RGL1: variants seen among roughly 807,000 people sequenced by gnomAD.
RGL1 encodes ral guanine nucleotide dissociation stimulator like 1, also known as ral guanine nucleotide dissociation stimulator-like 1.
In RGL1, 24 loss-of-function variants were observed where a neutral mutation model predicts 95.2. The observed-to-expected ratio is 0.25, with a 90% confidence interval of 0.18 to 0.35. RGL1 has a LOEUF of 0.35. Among genes scored for constraint, RGL1 ranks in the 10% least tolerant of loss-of-function variants. RGL1 has a pLI of 1.00. For synonymous variants in RGL1, 329 were observed against 344.9 expected (o/e 0.95, Z 0.51); for missense variants, 715 against 936.3 (o/e 0.76, Z 3.08).
At chr1:183,922,140 C>A in intron 16 of RGL1, 82 bp from the exon 17 acceptor site, 3 of 1,125,906 alleles carry the variant, frequency 2.7e-6, no homozygotes, top group South Asian at 1.3e-5. Flanking sequence ...CAACACAAGA[C>A]AGCAAGAATG....
intron 1 of RGL1, among the ~76,000 whole-genome samples, chr1:183,719,097 T>G (rs1001039605): frequency 1.3e-5 from 2 of 152,224 alleles, no homozygotes; most frequent in Non-Finnish European, 2.9e-5. Flanking sequence ...CTGATTGAAC[T>G]CTATTATCTT....
chr1:183,739,359 G>A (rs1248756934), intron 1 of RGL1, among the ~76,000 whole-genome samples: 4 of 152,220 alleles, frequency 2.6e-5, no homozygotes, highest in South Asian at 4.1e-4. Flanking sequence ...TACCAGCGGC[G>A]GGAGAGTAGG....
chr1:183,879,174 C>G (rs974953214), intron 4 of RGL1, among the ~76,000 whole-genome samples: 1 of 152,044 alleles, frequency 6.6e-6, no homozygotes, highest in Non-Finnish European at 1.5e-5. Flanking sequence ...TATTATAGTT[C>G]CAAATGCTTT....
chr1:183,730,478 A>T (rs1246399080), intron 1 of RGL1, among the ~76,000 whole-genome samples: 1 of 152,108 alleles, frequency 6.6e-6, no homozygotes, highest in Non-Finnish European at 1.5e-5. Flanking sequence ...GGCTCAGACT[A>T]AAGCGTCAGG....
chr1:183,739,035 TTCAAAAA>T (rs1432033899), intron 1 of RGL1, among the ~76,000 whole-genome samples: 2 of 152,188 alleles, frequency 1.3e-5, no homozygotes, highest in Non-Finnish European at 2.9e-5. Context: ...AGTCCCCTTG[TTCAAAAA>T]TTAAGAAGTT....
chr1:183,889,295 T>C (rs1023042442), intron 8 of RGL1, among the ~76,000 whole-genome samples: 5 of 152,116 alleles, frequency 3.3e-5, no homozygotes, highest in Non-Finnish European at 7.4e-5. Flanking sequence ...AGGCTGGGGA[T>C]TGTGTCATGA....
At position 183,880,638 on chromosome 1, in the gene RGL1, G is replaced by A; in HGVS notation, c.448G>A (p.Ala150Thr). 6.2e-7 allele frequency: 1 copy of A among 1,613,758 alleles called. No homozygotes were observed. ...IRNAIASILR[A>T]WLDQCAEDFR... ...CAGTGCAATCGCTTCCATACTAAGG[G>A]CCTGGCTTGACCAGTGTGCAGAAGA... Residue 150 changes from alanine (A) to threonine (T), a missense_variant, in exon 5 of 18, where the codon GCC becomes ACC. Ala to Thr is a moderately conservative substitution (Grantham distance 58, BLOSUM62 0). Transcript: ENST00000360851.
chr1:183,692,574 A>G (rs548870333), intron 1 of RGL1, among the ~76,000 whole-genome samples: 44 of 152,296 alleles, frequency 2.9e-4, no homozygotes, highest in African/African-American at 1.0e-3. Context: ...CAGGTAGTTC[A>G]CCTTTTATAG....
chr1:183,901,655 GTC>G (rs999187584), intron 11 of RGL1, among the ~76,000 whole-genome samples: 14 of 149,636 alleles, frequency 9.4e-5, no homozygotes, highest in Non-Finnish European at 7.4e-5. Flanking sequence ...CTCTCTCTCT[GTC>G]TCTCTCTCTC....
At chr1:183,678,876 T>G (rs1653011063) in intron 1 of RGL1, among the ~76,000 whole-genome samples, 1 of 152,230 alleles carries the variant, frequency 6.6e-6, no homozygotes. Context: ...CAAAGACCTC[T>G]TAACTGTCAC....
upstream of RGL1, among the ~76,000 whole-genome samples, chr1:183,800,800 A>G (rs1341718471): frequency 5.3e-5 from 8 of 152,162 alleles, no homozygotes; most frequent in African/African-American, 1.7e-4. Context: ...AATGTCCTCA[A>G]GGTTCATCCA....
intron 1 of RGL1, chr1:183,710,110 C>A: frequency 5.2e-6 from 1 of 191,330 alleles, no homozygotes; most frequent in South Asian, 8.9e-5. Flanking sequence ...GCCTATGTGC[C>A]ACTTTCACTC....
intron 1 of RGL1, among the ~76,000 whole-genome samples, chr1:183,673,401 T>A (rs1254400276): frequency 3.9e-5 from 6 of 152,244 alleles, no homozygotes; most frequent in Non-Finnish European, 2.9e-5. Flanking sequence ...GTCATCTCTT[T>A]GCACTTAGAG....
chr1:183,817,988 G>T (rs1662202206), intron 2 of RGL1, among the ~76,000 whole-genome samples: 1 of 152,146 alleles, frequency 6.6e-6, no homozygotes, highest in African/African-American at 2.4e-5. Context: ...AACATTCTTT[G>T]GTTAGAGTTG....
chr1:183,847,380 A>G (rs1664512191), intron 2 of RGL1, among the ~76,000 whole-genome samples, 186 bp from the exon 3 acceptor site: 1 of 152,298 alleles, frequency 6.6e-6, no homozygotes, highest in Non-Finnish European at 1.5e-5. Flanking sequence ...ACTCGAGCCC[A>G]GGAGCTCCAA....
At chr1:183,647,778 C>T in intron 1 of RGL1, 1 of 1,614,170 alleles carries the variant, frequency 6.2e-7, no homozygotes, top group South Asian at 1.1e-5. Context: ...AGTGGGAAGC[C>T]TTCCAAGGTC....
At chr1:183,696,173 G>C (rs1246583713) in intron 1 of RGL1, among the ~76,000 whole-genome samples, 1 of 152,032 alleles carries the variant, frequency 6.6e-6, no homozygotes, top group Non-Finnish European at 1.5e-5. Context: ...CACTTCATGG[G>C]ACCCATCATC....
chr1:183,744,276 T>C (rs1396310437), intron 2 of RGL1, among the ~76,000 whole-genome samples: 2 of 151,672 alleles, frequency 1.3e-5, no homozygotes, highest in African/African-American at 4.8e-5. Context: ...CAGAAGCAAA[T>C]ACAAGCCTTC....
At chr1:183,867,922 CT>C (rs1350734114) in intron 4 of RGL1, among the ~76,000 whole-genome samples, 1 of 152,170 alleles carries the variant, frequency 6.6e-6, no homozygotes, top group African/African-American at 2.4e-5. Flanking sequence ...TTTTTAACTC[CT>C]GAGTTAGGTT....
Sources: allele counts gnomAD v4.1 joint callset (sites outside exome capture counted in the v4.1 genomes callset), GRCh38; gene constraint gnomAD v4.1.1; transcripts MANE v1.5; gene names NCBI Gene and HGNC (gene_info 2026-07-23, HGNC 2026-07-21).